The following IPO11 variants were observed in gnomAD, a reference collection of about 807,000 sequenced individuals.
IPO11 encodes importin-11.
IPO11 carries 66 observed loss-of-function variants against 143.2 expected under a neutral mutation model. The observed-to-expected ratio is 0.46, with a 90% CI of 0.38 to 0.57. The LOEUF (loss-of-function observed/expected upper bound fraction) is 0.57, where lower values mean the gene tolerates loss of function less well. Among genes scored for constraint, IPO11 ranks in the 20% least tolerant of loss-of-function variants. The pLI is 0.00. For missense variants in IPO11, 1,026 were observed against 1,141.0 expected (o/e 0.90, Z 1.45); for synonymous variants, 385 against 377.8 (o/e 1.02, Z -0.22).
At chr5:62,570,344 T>C (rs1744095389) in intron 27 of IPO11, among the ~76,000 whole-genome samples, 1 of 152,204 alleles carries the variant, frequency 6.6e-6, no homozygotes, top group Non-Finnish European at 1.5e-5. Context: ...TTGAAGTATT[T>C]TGAGGTGTTT....
chr5:62,578,873 G>A (rs1200086835), intron 27 of IPO11: 16 of 302,160 alleles, frequency 5.3e-5, no homozygotes, highest in Non-Finnish European at 1.1e-4. Flanking sequence ...TCGTTCTTCA[G>A]ATTTAAAAAG....
chr5:62,529,616 A>G (rs1335375741), intron 21 of IPO11, among the ~76,000 whole-genome samples: 2 of 152,230 alleles, frequency 1.3e-5, no homozygotes, highest in Non-Finnish European at 2.9e-5. Flanking sequence ...GATATATAAC[A>G]ATCTATTCTT....
At chr5:62,451,116 G>A (rs565404700) in intron 4 of IPO11, among the ~76,000 whole-genome samples, 1 of 152,142 alleles carries the variant, frequency 6.6e-6, no homozygotes, top group Non-Finnish European at 1.5e-5. Context: ...ACACTGATAT[G>A]TAGAAATATC....
chr5:62,556,477 C>T (rs950856796), intron 26 of IPO11, among the ~76,000 whole-genome samples: 6 of 152,110 alleles, frequency 3.9e-5, no homozygotes, highest in African/African-American at 1.4e-4. Flanking sequence ...GTGGCACATG[C>T]CTTGTAATCA....
At chr5:62,520,643 G>A (rs1197693229) in intron 20 of IPO11, among the ~76,000 whole-genome samples, 2 of 152,174 alleles carry the variant, frequency 1.3e-5, no homozygotes, top group African/African-American at 4.8e-5. Context: ...CTGTCCTTGC[G>A]ATAGTTTGTT....
At chr5:62,579,429 G>T in intron 27 of IPO11, 1 of 1,550,468 alleles carries the variant, frequency 6.4e-7, no homozygotes, top group South Asian at 1.2e-5. Context: ...GAAAATCCAA[G>T]AACAGGGATA....
At chr5:62,461,566 G>A (rs919234109) in intron 5 of IPO11, among the ~76,000 whole-genome samples, 6 of 152,240 alleles carry the variant, frequency 3.9e-5, no homozygotes, top group Non-Finnish European at 8.8e-5. Flanking sequence ...AGCCATTTGT[G>A]TAGAGACCTT....
chr5:62,429,245 A>G lies in IPO11; in HGVS notation c.-6-8029A>G, dbSNP rs115497069. On this transcript the variant is annotated intron_variant, in intron 1 of 29. Transcript: ENST00000325324. ...TAAATTTGCCTGTTCTTCATATTTC[A>G]TATAAATGGGAATCATGCAGCTTGT... 8.3e-3 allele frequency among the ~76,000 whole-genome samples: 1,268 copies of G among 152,212 alleles called. 22 individuals are homozygous for G. Among genetic ancestry groups the G allele is most frequent in the African/African-American group, 0.03 (1,229 of 41,522 alleles).
chr5:62,464,388 C>T (rs1361293927), intron 5 of IPO11, among the ~76,000 whole-genome samples: 1 of 151,918 alleles, frequency 6.6e-6, no homozygotes, highest in Non-Finnish European at 1.5e-5. Flanking sequence ...ATCCTCCTGC[C>T]TTGGCCTCCC....
intron 20 of IPO11, among the ~76,000 whole-genome samples, chr5:62,525,278 G>C (rs1261188711): frequency 6.6e-6 from 1 of 151,526 alleles, no homozygotes; most frequent in Non-Finnish European, 1.5e-5. Context: ...TTGACATGTG[G>C]AATTGTTATA....
intron 9 of IPO11, among the ~76,000 whole-genome samples, chr5:62,481,567 G>T (rs746565973): frequency 8.5e-5 from 13 of 152,180 alleles, no homozygotes; most frequent in Non-Finnish European, 1.6e-4. Context: ...TACGTTCATT[G>T]ATTTGCGTAT....
chr5:62,487,447 G>A (rs1185546897), intron 12 of IPO11, among the ~76,000 whole-genome samples: 1 of 152,026 alleles, frequency 6.6e-6, no homozygotes, highest in South Asian at 2.1e-4. Flanking sequence ...AGCTATAAAT[G>A]AGTGGCTACA....
intron 29 of IPO11, among the ~76,000 whole-genome samples, chr5:62,604,395 G>A (rs984537584): frequency 2.0e-5 from 3 of 152,168 alleles, no homozygotes; most frequent in African/African-American, 7.2e-5. Flanking sequence ...ATTTTTAGTG[G>A]GCACGGGGTT....
intron 29 of IPO11, among the ~76,000 whole-genome samples, chr5:62,613,486 A>G (rs1746007960): frequency 6.6e-6 from 1 of 151,594 alleles, no homozygotes; most frequent in African/African-American, 2.4e-5. Flanking sequence ...TATTTTTTGT[A>G]GAGAAGAACT....
intron 3 of IPO11, among the ~76,000 whole-genome samples, chr5:62,445,013 T>C (rs1744670128): frequency 6.6e-6 from 1 of 151,998 alleles, no homozygotes; most frequent in Non-Finnish European, 1.5e-5. Context: ...ACCTAGAATT[T>C]AGCTTAAATT....
chr5:62,615,602 A>C (rs1023227603), intron 29 of IPO11, among the ~76,000 whole-genome samples: 1 of 152,180 alleles, frequency 6.6e-6, no homozygotes, highest in African/African-American at 2.4e-5. Flanking sequence ...AATTTCAACA[A>C]AGTGAGTTTC....
chr5:62,577,741 A>C (rs1744372108), intron 27 of IPO11, among the ~76,000 whole-genome samples: 1 of 152,148 alleles, frequency 6.6e-6, no homozygotes, highest in African/African-American at 2.4e-5. Context: ...TAGAAAGATA[A>C]TGCTAGGTAT....
intron 9 of IPO11, among the ~76,000 whole-genome samples, chr5:62,480,412 G>A (rs1195951733): frequency 6.6e-5 from 10 of 152,068 alleles, no homozygotes; most frequent in African/African-American, 1.2e-4. Context: ...GGACTGTCTC[G>A]GCAATGCGGG....
intron 19 of IPO11, among the ~76,000 whole-genome samples, chr5:62,507,046 A>G (rs1741577214): frequency 6.6e-6 from 1 of 152,208 alleles, no homozygotes; most frequent in South Asian, 2.1e-4. Context: ...TATTAATTCT[A>G]AAGCAGTTGA....
Sources: gnomAD v4.1 joint callset for allele counts (sites outside exome capture counted in the v4.1 genomes callset) on GRCh38, gnomAD v4.1.1 for gene constraint, MANE v1.5 for transcripts, NCBI Gene and HGNC (gene_info 2026-07-23, HGNC 2026-07-21) for gene names.